SEL1L3: variants seen among roughly 807,000 people sequenced by gnomAD.
SEL1L3 encodes protein sel-1 homolog 3.
SEL1L3 carries 76 observed loss-of-function variants against 142.8 expected under a neutral mutation model. That is an observed-to-expected ratio of 0.53 (90% confidence interval 0.44 to 0.64). The LOEUF (loss-of-function observed/expected upper bound fraction) is 0.64. Among genes scored for constraint, SEL1L3 ranks in the 30% least tolerant of loss-of-function variants. SEL1L3 has a pLI of 0.00. For missense variants in SEL1L3, 1,262 were observed against 1,381.7 expected (o/e 0.91, Z 1.37); for synonymous variants, 504 against 519.6 (o/e 0.97, Z 0.41).
chr4:25,791,038 A>G (rs1310803891), intron 11 of SEL1L3, among the ~76,000 whole-genome samples: 1 of 152,212 alleles, frequency 6.6e-6, no homozygotes, highest in East Asian at 1.9e-4. Flanking sequence ...TGAGAAACCG[A>G]AGTTATTTCC....
rs749741852 is a variant in SEL1L3 at position 25,759,069 on chromosome 4, C to T, written c.2956-1G>A. 1 of 1,612,848 alleles carries T rather than the reference C, an allele frequency of 6.2e-7. No individual in the cohort carries two copies. Among genetic ancestry groups the T allele is most frequent in the African/African-American group, 1.3e-5 (1 of 74,952 alleles). On this transcript the variant is annotated splice_acceptor_variant, in intron 20 of 23. Coordinates refer to ENST00000399878, the MANE Select transcript of SEL1L3 (RefSeq NM_015187.5). LOFTEE classifies it high-confidence loss of function. ...TTAGCAGGGCCAGGTTAAAAAATCC[C>T]TAAAAACAAGCCACAAACCAAACTC...
chr4:25,714,809 T>G, the SEL1L3 span, among the ~76,000 whole-genome samples: 2 of 152,068 alleles, frequency 1.3e-5, no homozygotes, highest in Admixed American at 6.6e-5. Flanking sequence ...TGGCCTTAAG[T>G]GATCTGCCTG....
At chr4:25,773,494 T>A (rs1719382902) in intron 17 of SEL1L3, 1 of 152,216 alleles carries the variant, frequency 6.6e-6, no homozygotes, top group African/African-American at 2.4e-5. Context: ...AAAGCCACCC[T>A]ACTGACTCAT....
the SEL1L3 span, among the ~76,000 whole-genome samples, chr4:25,722,193 G>T: frequency 6.6e-6 from 1 of 152,162 alleles, no homozygotes. Context: ...ATATGGCAAA[G>T]GTAATGGAAG....
At chr4:25,749,885 CAT>C (rs1302990614) in intron 23 of SEL1L3, among the ~76,000 whole-genome samples, 2 of 152,168 alleles carry the variant, frequency 1.3e-5, no homozygotes, top group Non-Finnish European at 2.9e-5. Flanking sequence ...TATTTCGCGA[CAT>C]GTGAAAAATA....
intron 15 of SEL1L3, among the ~76,000 whole-genome samples, chr4:25,781,536 G>A (rs1720001636): frequency 6.6e-6 from 1 of 152,130 alleles, no homozygotes; most frequent in Non-Finnish European, 1.5e-5. Context: ...TACTCCAGAG[G>A]CTGAGGCATG....
intron 19 of SEL1L3, among the ~76,000 whole-genome samples, chr4:25,765,639 T>C (rs1396469140): frequency 6.6e-6 from 1 of 152,126 alleles, no homozygotes; most frequent in Non-Finnish European, 1.5e-5. Context: ...CATATTTTTT[T>C]TCTTTTTTTT....
chr4:25,715,534 A>G, the SEL1L3 span, among the ~76,000 whole-genome samples: 1 of 152,032 alleles, frequency 6.6e-6, no homozygotes, highest in Non-Finnish European at 1.5e-5. Context: ...CAAAATTACA[A>G]TTGTACCTAC....
At chr4:25,845,355 G>A (rs1716441931) in intron 2 of SEL1L3, among the ~76,000 whole-genome samples, 1 of 152,136 alleles carries the variant, frequency 6.6e-6, no homozygotes, top group African/African-American at 2.4e-5. Context: ...AATAAACTGG[G>A]TGTGGTGGTA....
At chr4:25,856,252 G>A (rs940200312) in intron 1 of SEL1L3, among the ~76,000 whole-genome samples, 5 of 152,066 alleles carry the variant, frequency 3.3e-5, no homozygotes, top group African/African-American at 1.2e-4. Context: ...AAAATACTGA[G>A]GTAAGGTCAC....
intron 13 of SEL1L3, among the ~76,000 whole-genome samples, chr4:25,787,354 T>C (rs1295335671): frequency 6.6e-6 from 1 of 152,118 alleles, no homozygotes; most frequent in East Asian, 1.9e-4. Flanking sequence ...GGAGTGTGGC[T>C]CTCTCACTCA....
intron 5 of SEL1L3, among the ~76,000 whole-genome samples, chr4:25,830,423 G>C (rs927377487): frequency 2.6e-5 from 4 of 152,146 alleles, no homozygotes; most frequent in African/African-American, 9.7e-5. Context: ...CAAGCCAAAG[G>C]CTCATTTGAT....
intron 11 of SEL1L3, among the ~76,000 whole-genome samples, chr4:25,791,677 G>A (rs1712344234): frequency 6.6e-6 from 1 of 152,186 alleles, no homozygotes; most frequent in Admixed American, 6.5e-5. Flanking sequence ...ACTTTGGGAG[G>A]CCAAGGCAGG....
At chr4:25,714,488 CTCTTTCTTTCTTTTTCTT>C in the SEL1L3 span, among the ~76,000 whole-genome samples, 14,190 of 138,132 alleles carry the variant, frequency 0.1, 827 homozygotes, top group Middle Eastern at 0.17. Flanking sequence ...TTCTTTCTTT[CTCTTTCTTTCTTTTTCTT>C]TCTTTCTTTC....
intron 11 of SEL1L3, among the ~76,000 whole-genome samples, chr4:25,797,054 A>C (rs982034211): frequency 3.3e-5 from 5 of 151,124 alleles, no homozygotes; most frequent in Admixed American, 6.6e-5. Context: ...TGGAGAGAGA[A>C]AGAGGAGAGG....
chr4:25,835,198 C>A lies in SEL1L3; in HGVS notation c.859G>T (p.Val287Leu), dbSNP rs1380159672. ...CTCCCTTCTGCTACCCATCCTTACA[C>A]TGGGTAATCCATCCTCTGGCGTCGA... ...ATRRQRMDYPVFTVSLWLYLL... is the reference protein window; with the variant it reads ...ATRRQRMDYPLFTVSLWLYLL... Residue 287 changes from valine (V) to leucine (L), a missense_variant and splice_region_variant, in exon 3 of 24, where the codon GTG becomes TTG. This residue lies in a region of SEL1L3 where 689 missense variants were observed against 692.8 expected (regional missense o/e 0.99). Transcript: ENST00000399878. 6.2e-7 allele frequency: 1 copy of A among 1,613,976 alleles called. No individual in the cohort carries two copies. The highest frequency in any genetic ancestry group is 8.5e-7 in the Non-Finnish European group (1 of 1,179,842).
chr4:25,822,978 A>G (rs531209278), intron 6 of SEL1L3, among the ~76,000 whole-genome samples: 5 of 152,342 alleles, frequency 3.3e-5, no homozygotes, highest in African/African-American at 1.2e-4. Flanking sequence ...TTAAGTAAAA[A>G]AAATAAAAGT....
At position 25,774,350 on chromosome 4, in the gene SEL1L3, G is replaced by A. The variant is rs774672623; in HGVS notation, c.2669+1927C>T. 1.7e-3 allele frequency among the ~76,000 whole-genome samples: 254 copies of A among 152,206 alleles called. 8 individuals are homozygous for A. Among genetic ancestry groups the A allele is most frequent in the Non-Finnish European group, 4.0e-4 (27 of 68,008 alleles). ...TTTAAATGTACTCAGTAAAATCTGCGGAACTGAATCCAAACTCACAAAGGG... is the reference window on the plus strand; with the variant it reads ...TTTAAATGTACTCAGTAAAATCTGCAGAACTGAATCCAAACTCACAAAGGG... On this transcript the variant is annotated intron_variant, in intron 17 of 23. Transcript: ENST00000399878.
intron 13 of SEL1L3, among the ~76,000 whole-genome samples, chr4:25,785,797 T>C (rs934457132): frequency 2.6e-5 from 4 of 152,164 alleles, no homozygotes; most frequent in African/African-American, 9.7e-5. Flanking sequence ...TAGCGCCTGG[T>C]TGAAGTATAA....
Sources: allele counts gnomAD v4.1 joint callset (sites outside exome capture counted in the v4.1 genomes callset), GRCh38; gene constraint gnomAD v4.1.1; regional missense constraint gnomAD v4.1.1; transcripts MANE v1.5; gene names NCBI Gene and HGNC (gene_info 2026-07-23, HGNC 2026-07-21).